BHMT2: variants seen among roughly 807,000 people sequenced by gnomAD.
BHMT2 encodes the protein betaine--homocysteine S-methyltransferase 2.
A neutral mutation model predicts 39.0 loss-of-function variants in BHMT2; 28 were observed. That is an observed-to-expected ratio of 0.72 (90% CI 0.53 to 0.98). BHMT2 has a LOEUF of 0.98. Among genes scored for constraint, BHMT2 ranks in the 50% least tolerant of loss-of-function variants. The pLI, the probability that BHMT2 is intolerant of heterozygous loss-of-function variation, is 0.00. For missense variants in BHMT2, 410 were observed against 455.6 expected, an observed-to-expected ratio of 0.90 and a Z score of 0.91; for synonymous variants, 145 against 160.6, an observed-to-expected ratio of 0.90 and a Z score of 0.74.
chr5:79,071,871 GTAAT>G (rs912187741), intron 1 of BHMT2, among the ~76,000 whole-genome samples: 24 of 149,034 alleles, frequency 1.6e-4, no homozygotes, highest in African/African-American at 6.0e-4. Context: ...TACTGGTATA[GTAAT>G]TAATTGAGGT....
chr5:79,073,968 G>A (rs1755626704), intron 1 of BHMT2, among the ~76,000 whole-genome samples: 1 of 152,164 alleles, frequency 6.6e-6, no homozygotes, highest in Non-Finnish European at 1.5e-5. Context: ...TGGGAAGGTG[G>A]AAGCATAGCA....
In BHMT2 at chr5:79,088,552, C is replaced by T. The variant is rs779948612; in HGVS notation, c.1070C>T (p.Ser357Leu). 1.4e-5 allele frequency: 22 copies of T among 1,614,032 alleles called. No homozygotes were observed. Among genetic ancestry groups the T allele is most frequent in the Non-Finnish European group, 1.7e-5 (20 of 1,179,964 alleles). ...LPASGRPFCP[S>L]LSKPDF ...GCTTCAGGCAGACCTTTCTGTCCTT[C>T]GCTGTCAAAGCCAGACTTCTAAGGA... Residue 357 changes from serine to leucine, a missense_variant, in exon 8 of 8, where the codon TCG becomes TTG. Physicochemically the swap from Ser to Leu is moderately radical, Grantham distance 145 (BLOSUM62 -2). Transcript: ENST00000255192.
rs373578085 is a variant in BHMT2, at chr5:79,084,833, G to A, written c.1010+977G>A. 2.7e-4 allele frequency among the ~76,000 whole-genome samples: 41 copies of A among 152,142 alleles called. 1 individual carries two copies. The highest frequency in any genetic ancestry group is 6.8e-3 in the Middle Eastern group (2 of 294). On this transcript the variant is annotated intron_variant, in intron 7 of 7. Transcript: ENST00000255192. ...ATCACATAGGCTTCCCCTTTTCCCC[G>A]TTCTCCTTTTTCCAGTTTTGATTCG...
At chr5:79,077,396 C>G (rs1755691261) in intron 1 of BHMT2, 84 bp from the exon 2 acceptor site, 1 of 1,512,942 alleles carries the variant, frequency 6.6e-7, no homozygotes, top group African/African-American at 1.4e-5. Context: ...GAACGTAATA[C>G]CACTTCACCT....
chr5:79,077,754 G>A, intron 2 of BHMT2, 142 bp downstream of exon 2: 1 of 977,974 alleles, frequency 1.0e-6, no homozygotes, highest in Non-Finnish European at 1.5e-6. Context: ...GATAATGGCA[G>A]TATACAGGCG....
At chr5:79,082,589 C>T in intron 4 of BHMT2, 2 of 400,224 alleles carry the variant, frequency 5.0e-6, no homozygotes, top group Non-Finnish European at 8.7e-6. Flanking sequence ...ATCAATGAAC[C>T]CTGAATGAAA....
Position 79,082,842 on chromosome 5 carries a change from G to C in BHMT2, c.484G>C (p.Val162Leu), listed in dbSNP as rs1485163986. The C allele has an allele frequency of 3.1e-6, 5 of 1,614,186 alleles. No individual in the cohort carries two copies. The highest frequency in any genetic ancestry group is 4.2e-6 in the Non-Finnish European group (5 of 1,180,028). The change falls in exon 5 of 8, where the codon GTG becomes CTG. Residue 162 changes from valine (V) to leucine (L), a missense_variant. Val to Leu is a conservative substitution (Grantham distance 32). Coordinates refer to ENST00000255192, the MANE Select transcript of BHMT2 (RefSeq NM_017614.5). ...FEHVEEAVWA[V>L]EVLKESDRPV... ...GCACGTTGAAGAAGCTGTGTGGGCT[G>C]TGGAAGTCTTAAAAGAATCAGATAG...
At chr5:79,087,006 G>GTATATA (rs1755910062) in intron 7 of BHMT2, among the ~76,000 whole-genome samples, 1 of 108,444 alleles carries the variant, frequency 9.2e-6, no homozygotes, top group Admixed American at 9.2e-5. Flanking sequence ...GTATGTGTGT[G>GTATATA]TGTGTGTGTA....
chr5:79,083,029 G>A lies in BHMT2; in HGVS notation c.598+73G>A, dbSNP rs1755819581. ...AATTTAACAAAGTGTGCTTGATATTGTGAGAGCAGTTTGGAAATAGAAGAA... is the reference window on the plus strand; with the variant it reads ...AATTTAACAAAGTGTGCTTGATATTATGAGAGCAGTTTGGAAATAGAAGAA... On this transcript the variant is annotated intron_variant, in intron 5 of 7. Transcript: ENST00000255192. The A allele has an allele frequency of 1.9e-5, 30 of 1,594,980 alleles. No individual in the cohort carries two copies. The South Asian group carries it at 3.0e-4, about 16-fold the overall frequency.
At chr5:79,083,124 C>G (rs1755822785) in intron 5 of BHMT2, 68 bp from the exon 6 acceptor site, 1 of 1,589,252 alleles carries the variant, frequency 6.3e-7, no homozygotes, top group Non-Finnish European at 8.6e-7. Flanking sequence ...TCTAAGGTAC[C>G]TTCCAACTAT....
rs768048067 is a variant in BHMT2, at chr5:79,090,014, C to A, written c.*1440C>A. ...TGTGTTATTTCATGTGTGCCAGTTTCTCTTTTTTTCACAACAATTTATCAA... is the reference window on the plus strand; with the variant it reads ...TGTGTTATTTCATGTGTGCCAGTTTATCTTTTTTTCACAACAATTTATCAA... On this transcript the variant is annotated 3_prime_UTR_variant, in exon 8 of 8. Coordinates refer to ENST00000255192, the MANE Select transcript of BHMT2 (RefSeq NM_017614.5). Among the ~76,000 whole-genome samples the A allele has an allele frequency of 1.1e-4, 17 of 152,144 alleles. No homozygotes were observed. The highest frequency in any genetic ancestry group is 2.5e-4 in the Non-Finnish European group (17 of 68,026).
chr5:79,076,299 G>A (rs1188937491), intron 1 of BHMT2, among the ~76,000 whole-genome samples: 1 of 152,124 alleles, frequency 6.6e-6, no homozygotes, highest in Non-Finnish European at 1.5e-5. Flanking sequence ...TTCTGCCAGT[G>A]TGTTCCTCTC....
intron 7 of BHMT2, among the ~76,000 whole-genome samples, chr5:79,086,173 G>A (rs1040553639): frequency 5.9e-5 from 9 of 152,108 alleles, no homozygotes; most frequent in South Asian, 2.1e-4. Flanking sequence ...TGTCCTCCCC[G>A]GTAATTCTCT....
At chr5:79,080,640 T>A (rs1755766380) in intron 3 of BHMT2, 47 bp from the exon 4 acceptor site, 1 of 1,514,658 alleles carries the variant, frequency 6.6e-7, no homozygotes, top group Non-Finnish European at 8.8e-7. Flanking sequence ...ATATTTTACC[T>A]TCAAACTGCT....
chr5:79,075,061 A>G (rs904552704), intron 1 of BHMT2, among the ~76,000 whole-genome samples: 2 of 152,182 alleles, frequency 1.3e-5, no homozygotes, highest in African/African-American at 4.8e-5. Flanking sequence ...ATACAGTCTC[A>G]GTGGTAACTA....
At chr5:79,070,360 G>A (rs913172287) in intron 1 of BHMT2, among the ~76,000 whole-genome samples, 3 of 152,154 alleles carry the variant, frequency 2.0e-5, no homozygotes, top group Non-Finnish European at 4.4e-5. Flanking sequence ...GCGGTGCAGG[G>A]TGGAGGGTAG....
intron 1 of BHMT2, among the ~76,000 whole-genome samples, chr5:79,074,342 C>T (rs956076337): frequency 5.3e-5 from 8 of 152,260 alleles, no homozygotes; most frequent in African/African-American, 1.7e-4. Context: ...CATATTTGAC[C>T]TCTCATGTTT....
Position 79,087,012 on chromosome 5 carries a change from G to GTATA in BHMT2, c.1011-1480_1011-1479insATAT, listed in dbSNP as rs1237997664. Among the ~76,000 whole-genome samples the GTATA allele has an allele frequency of 2.0e-3, 212 of 108,112 alleles. 1 individual carries two copies. Among genetic ancestry groups the GTATA allele is most frequent in the African/African-American group, 3.7e-3 (86 of 23,098 alleles). The allele number at this position is 108,112 out of a possible 152,430, so 70.9% of individuals were successfully genotyped here. On this transcript the variant is annotated intron_variant, in intron 7 of 7. Coordinates refer to ENST00000255192, the MANE Select transcript of BHMT2 (RefSeq NM_017614.5). The stretch of plus-strand genomic sequence containing the variant: ...TTTGTGTATGTATGTGTGTGTGTGT[G>GTATA]TGTATATATATATATATATATATAT...
chr5:79,080,490 A>G (rs1755763400), intron 3 of BHMT2, among the ~76,000 whole-genome samples, 197 bp from the exon 4 acceptor site: 1 of 152,190 alleles, frequency 6.6e-6, no homozygotes, highest in South Asian at 2.1e-4. Flanking sequence ...TTAAAATCCA[A>G]TGTGGTAAGT....
Sources: allele counts gnomAD v4.1 joint callset (sites outside exome capture counted in the v4.1 genomes callset), GRCh38; gene constraint gnomAD v4.1.1; transcripts MANE v1.5; gene names NCBI Gene and HGNC (gene_info 2026-07-23, HGNC 2026-07-21).